Variants in KLK7 observed in about 807,000 individuals in gnomAD.
KLK7 encodes the protein kallikrein-7.
A neutral mutation model predicts 21.0 loss-of-function variants in KLK7; 17 were observed. The ratio of observed to expected loss-of-function variants is 0.81; its 90% CI spans 0.55 to 1.21. The LOEUF (loss-of-function observed/expected upper bound fraction) is 1.21, where lower values mean the gene tolerates loss of function less well. Among genes scored for constraint, KLK7 ranks in the 50% most tolerant of loss-of-function variants. KLK7 has a pLI of 0.00. For missense variants in KLK7, 330 were observed against 322.8 expected, an observed-to-expected ratio of 1.02 and a Z score of -0.17; for synonymous variants, 151 against 134.6, an observed-to-expected ratio of 1.12 and a Z score of -0.85.
intron 5 of KLK7, among the ~76,000 whole-genome samples, chr19:50,979,329 G>A (rs2091058694): frequency 6.6e-6 from 1 of 152,228 alleles, no homozygotes; most frequent in Admixed American, 6.5e-5. Context: ...TGCCAGTACA[G>A]CGCTGTGCTG....
Position 50,977,819 on chromosome 19 carries a change from C to A in KLK7, c.607-128G>T, listed in dbSNP as rs1009875122. On this transcript the variant is annotated intron_variant, in intron 5 of 5. Coordinates refer to ENST00000595820, the MANE Select transcript of KLK7 (RefSeq NM_005046.4). Reference sequence around the variant, plus strand: ...TTCCACCATAGCCAATGAGAAGAGACTCATTGTCTCTGGGGACTAATGGGA... The same window carrying A: ...TTCCACCATAGCCAATGAGAAGAGAATCATTGTCTCTGGGGACTAATGGGA... 3.2e-5 allele frequency: 30 copies of A among 933,008 alleles called. No individual in the cohort carries two copies. In the Admixed American group the frequency reaches 4.0e-4, roughly 12 times the overall value. 57.8% of individuals were successfully genotyped at this position (933,008 alleles called of 1,614,324 possible).
intron 5 of KLK7, among the ~76,000 whole-genome samples, chr19:50,978,743 GAGAT>G (rs2091054958): frequency 3.4e-5 from 5 of 147,890 alleles, no homozygotes; most frequent in East Asian, 2.0e-4. Flanking sequence ...GGAGAGGAGA[GAGAT>G]AGAAGAAAGA....
chr19:50,980,194 G>T (rs528511192), intron 4 of KLK7, 46 bp downstream of exon 4: 1 of 1,590,488 alleles, frequency 6.3e-7, no homozygotes, highest in South Asian at 1.1e-5. Context: ...TGGGTCTGAG[G>T]GAGGAGGGCT....
At chr19:50,983,426 T>C (rs1156324700) in intron 1 of KLK7, among the ~76,000 whole-genome samples, 2 of 96,522 alleles carry the variant, frequency 2.1e-5, no homozygotes, top group Admixed American at 1.1e-4. Context: ...GGAGTCCAGG[T>C]CCCAGCCCCT....
chr19:50,982,386 A>C lies in KLK7; in HGVS notation c.14T>G (p.Leu5Arg). 1 of 1,608,678 alleles carries C rather than the reference A, an allele frequency of 6.2e-7. No individual in the cohort carries two copies. The highest frequency in any genetic ancestry group is 8.5e-7 in the Non-Finnish European group (1 of 1,177,694). The change falls in exon 2 of 6, where the codon CTT (leucine) becomes CGT (arginine). Residue 5 changes from leucine to arginine, a missense_variant. Physicochemically the swap from Leu to Arg is moderately radical, Grantham distance 102. Transcript: ENST00000595820. ...CAGTAAGATCTGCAGGGGCAGGAGA[A>C]GGGATCTTGCCATGGTGCCCTGCTG... MARSLLLPLQILLLS... is the reference protein window; with the variant it reads MARSRLLPLQILLLS...
intron 5 of KLK7, 53 bp from the exon 6 acceptor site, chr19:50,977,744 C>T: frequency 6.5e-7 from 1 of 1,542,272 alleles, no homozygotes; most frequent in Non-Finnish European, 8.9e-7. Context: ...AAGCCCAACT[C>T]ATTCTCATAC....
intron 1 of KLK7, 104 bp downstream of exon 1, chr19:50,983,747 C>A: frequency 8.0e-7 from 1 of 1,252,922 alleles, no homozygotes; most frequent in Non-Finnish European, 1.0e-6. Flanking sequence ...TGCTCAGGAC[C>A]GGGAGTCTAG....
chr19:50,977,552 A>G lies in KLK7; in HGVS notation c.746T>C (p.Met249Thr), dbSNP rs375837932. The G allele has an allele frequency of 7.4e-6, 12 of 1,613,726 alleles. 1 individual carries two copies. The South Asian group carries it at 8.8e-5, about 12-fold the overall frequency. ...AGTGTGGCGTTAGCGATGCTTTTTC[A>G]TGGTGTCATTTATCCACTTGGTGAA... ...CKFTKWINDT[M>T]KKHR The change falls in exon 6 of 6, where the codon ATG (methionine) becomes ACG (threonine). Residue 249 changes from methionine to threonine, a missense_variant. Met to Thr is a moderately conservative substitution (Grantham distance 81). Transcript: ENST00000595820.
chr19:50,980,562 G>T, intron 3 of KLK7, 75 bp from the exon 4 acceptor site: 1 of 1,587,192 alleles, frequency 6.3e-7, no homozygotes, highest in Non-Finnish European at 8.6e-7. Flanking sequence ...GGGGGACGGG[G>T]TGGGGACAGA....
chr19:50,983,624 G>A, intron 1 of KLK7: 1 of 466,558 alleles, frequency 2.1e-6, no homozygotes, highest in Non-Finnish European at 3.4e-6. Flanking sequence ...CAGATCCCTA[G>A]AGACCCAGGA....
chr19:50,977,345 G>C lies in KLK7; in HGVS notation c.*191C>G. ...TCACTGACTCTTCTCCAGCACTGAG[G>C]GTTTTGTGTTTCTTTATTTGTTTTG... On this transcript the variant is annotated 3_prime_UTR_variant, in exon 6 of 6. Coordinates refer to ENST00000595820, the MANE Select transcript of KLK7 (RefSeq NM_005046.4). 1 of 596,880 alleles carries C rather than the reference G, an allele frequency of 1.7e-6. No individual in the cohort carries two copies. The highest frequency in any genetic ancestry group is 3.0e-6 in the Non-Finnish European group (1 of 338,380). 37.0% of individuals were successfully genotyped at this position (596,880 alleles called of 1,614,324 possible). A position where few individuals can be genotyped will look rare whatever the true frequency, so the allele number is the denominator to read the frequency against.
Position 50,982,352 on chromosome 19 carries a change from T to C in KLK7, c.48A>G (p.Leu16=). 1.2e-6 allele frequency: 2 copies of C among 1,611,366 alleles called. No individual in the cohort carries two copies. Among genetic ancestry groups the C allele is most frequent in the Non-Finnish European group, 1.7e-6 (2 of 1,178,952 alleles). ...CTTCTTCTCCTGCAGTTTCCAAGGC[T>C]AAGGATAGCAGTAAGATCTGCAGGG... ...LLPLQILLLS[L]ALETAGEEAQ... Residue 16 remains leucine (L), a synonymous_variant, in exon 2 of 6, where the codon TTA becomes TTG. Transcript: ENST00000595820.
At chr19:50,982,622 GAAC>G (rs1337342360) in intron 1 of KLK7, among the ~76,000 whole-genome samples, 165 bp from the exon 2 acceptor site, 1 of 110,370 alleles carries the variant, frequency 9.1e-6, no homozygotes, top group African/African-American at 3.2e-5. Context: ...TAGGGGTCCA[GAAC>G]CCCAGCCCCT....
At chr19:50,978,958 A>T (rs1291558052) in intron 5 of KLK7, among the ~76,000 whole-genome samples, 3 of 151,798 alleles carry the variant, frequency 2.0e-5, no homozygotes, top group Non-Finnish European at 4.4e-5. Flanking sequence ...GAGGGAGAAG[A>T]CAGAGAGCAG....
chr19:50,977,286 G>A lies in KLK7; in HGVS notation c.*250C>T, dbSNP rs971193771. ...CAAGTGTCTTCCGTAAAGACTGTAC[G>A]AACGTCCAGTTCCAGTGTTTGAGAG... is the stretch of plus-strand genomic sequence containing the variant. On this transcript the variant is annotated 3_prime_UTR_variant, in exon 6 of 6. Coordinates refer to ENST00000595820, the MANE Select transcript of KLK7 (RefSeq NM_005046.4). 2.9e-5 allele frequency: 14 copies of A among 478,830 alleles called. No homozygotes were observed. Among genetic ancestry groups the A allele is most frequent in the Admixed American group, 3.6e-5 (1 of 27,884 alleles). 29.7% of individuals were successfully genotyped at this position (478,830 alleles called of 1,614,324 possible).
rs2091091025 is a variant in KLK7 at position 50,981,778 on chromosome 19, G to A, written c.210C>T (p.His70=). 1 of 1,576,074 alleles carries A rather than the reference G, an allele frequency of 6.3e-7. No individual in the cohort carries two copies. Among genetic ancestry groups the A allele is most frequent in the African/African-American group, 1.3e-5 (1 of 74,802 alleles). ...TGGGCGGCACCTACTTCATCTTGCA[G>A]TGGGCGGCAGTGAGCACCCAGCGCT... ...VNERWVLTAA[H]CKMNEYTVHL... The change falls in exon 3 of 6, where the codon CAC becomes CAT. Residue 70 remains histidine, a synonymous_variant. Transcript: ENST00000595820.
At position 50,982,349 on chromosome 19, in the gene KLK7, G is replaced by A. The variant is rs1456082817; in HGVS notation, c.51C>T (p.Ala17=). The stretch of plus-strand genomic sequence containing the variant: ...CACCTTCTTCTCCTGCAGTTTCCAA[G>A]GCTAAGGATAGCAGTAAGATCTGCA... ...LPLQILLLSL[A]LETAGEEAQG... The change falls in exon 2 of 6, where the codon GCC becomes GCT. Residue 17 remains alanine (A), a synonymous_variant. Transcript: ENST00000595820. 6.2e-7 allele frequency: 1 copy of A among 1,611,040 alleles called. No homozygotes were observed. The highest frequency in any genetic ancestry group is 8.5e-7 in the Non-Finnish European group (1 of 1,178,864).
rs558425249 is a variant in KLK7, at chr19:50,982,570, C to G, written c.-58-113G>C. On this transcript the variant is annotated intron_variant, in intron 1 of 5. Coordinates refer to ENST00000595820, the MANE Select transcript of KLK7 (RefSeq NM_005046.4). ...GTCCAGGCCCCAGCCCCTCCTCCCT[C>G]AGACCCAGGGGTCCAGGCCCCAGCC... 3.4e-3 allele frequency: 714 copies of G among 207,192 alleles called. 3 individuals carry two copies. The highest frequency in any genetic ancestry group is 0.025 in the Middle Eastern group (15 of 596). The allele number at this position is 207,192 out of a possible 1,614,324, so 12.8% of individuals were successfully genotyped here.
upstream of KLK7, chr19:50,983,939 C>T: frequency 7.8e-7 from 1 of 1,288,218 alleles, no homozygotes; most frequent in Non-Finnish European, 1.0e-6. Context: ...GGGCCGTCCT[C>T]TTATATCACC....
Sources: allele counts gnomAD v4.1 joint callset (sites outside exome capture counted in the v4.1 genomes callset), GRCh38; gene constraint gnomAD v4.1.1; transcripts MANE v1.5; gene names NCBI Gene and HGNC (gene_info 2026-07-23, HGNC 2026-07-21).